The following SCARA3 variants were observed in gnomAD, a reference collection of about 807,000 sequenced individuals.
SCARA3 encodes the protein scavenger receptor class A member 3.
In SCARA3, 39 loss-of-function variants were observed where a neutral mutation model predicts 47.0. That is an observed-to-expected ratio of 0.83 (90% CI 0.64 to 1.08). SCARA3 has a LOEUF of 1.08. SCARA3 is among the 50% of genes least tolerant of loss of function. SCARA3 has a pLI of 0.00. For synonymous variants in SCARA3, 356 were observed against 334.1 expected, an observed-to-expected ratio of 1.07 and a Z score of -0.71; for missense variants, 724 against 792.3, an observed-to-expected ratio of 0.91 and a Z score of 1.04.
At chr8:27,697,145 G>A in the SCARA3 span, 2 of 188,010 alleles carry the variant, frequency 1.1e-5, no homozygotes, top group African/African-American at 2.3e-5. Flanking sequence ...GTCTGTAAAA[G>A]GCATCCTTTC....
At chr8:27,716,174 G>A in the SCARA3 span, among the ~76,000 whole-genome samples, 2 of 152,134 alleles carry the variant, frequency 1.3e-5, no homozygotes, top group Non-Finnish European at 2.9e-5. Flanking sequence ...TTAGCTGGGT[G>A]TGGTGGTGCA....
chr8:27,652,165 G>T (rs1387809104), intron 3 of SCARA3, among the ~76,000 whole-genome samples: 1 of 152,220 alleles, frequency 6.6e-6, no homozygotes, highest in Non-Finnish European at 1.5e-5. Context: ...AGCCAGACCT[G>T]CTGAGACCAA....
the SCARA3 span, among the ~76,000 whole-genome samples, chr8:27,715,813 AGATAGATAGAT>A: frequency 6.2e-5 from 9 of 144,492 alleles, no homozygotes; most frequent in Admixed American, 1.4e-4. The surrounding 1 kb of genome is among the most constrained non-coding windows in gnomAD (Gnocchi z 4.2). Flanking sequence ...AGATATAGAT[AGATAGATAGAT>A]GATAGATAGA....
the SCARA3 span, among the ~76,000 whole-genome samples, chr8:27,691,475 G>T: frequency 0.076 from 11,566 of 152,066 alleles, 571 homozygotes; most frequent in Non-Finnish European, 0.11. Context: ...CAGCCTGACT[G>T]CTTGTTTCAT....
the SCARA3 span, among the ~76,000 whole-genome samples, chr8:27,707,708 T>C: frequency 6.6e-6 from 1 of 151,422 alleles, no homozygotes; most frequent in Non-Finnish European, 1.5e-5. Context: ...TGTCACTGAA[T>C]TAAAAGAACC....
chr8:27,730,856 C>T, the SCARA3 span, among the ~76,000 whole-genome samples: 4 of 151,910 alleles, frequency 2.6e-5, no homozygotes, highest in African/African-American at 9.7e-5. Context: ...CACTTTCACC[C>T]TATTCCCGTT....
At chr8:27,698,268 A>G in the SCARA3 span, among the ~76,000 whole-genome samples, 2 of 129,560 alleles carry the variant, frequency 1.5e-5, no homozygotes, top group East Asian at 2.4e-4. Flanking sequence ...ATTAAAATGC[A>G]TGGATTTTTT....
chr8:27,668,784 A>G (rs1281374575), intron 5 of SCARA3, among the ~76,000 whole-genome samples: 1 of 152,144 alleles, frequency 6.6e-6, no homozygotes, highest in Non-Finnish European at 1.5e-5. Context: ...GGCTGCAGTG[A>G]GCTATGATTG....
the SCARA3 span, among the ~76,000 whole-genome samples, chr8:27,728,814 G>A: frequency 1.3e-5 from 2 of 152,126 alleles, no homozygotes; most frequent in African/African-American, 2.4e-5. Flanking sequence ...ACTTGAGCCC[G>A]GGAGTTCGAG....
chr8:27,716,870 C>A, the SCARA3 span, among the ~76,000 whole-genome samples: 1 of 152,270 alleles, frequency 6.6e-6, no homozygotes, highest in Non-Finnish European at 1.5e-5. Context: ...ACGAACACCG[C>A]CAGGAATGGA....
At chr8:27,730,982 C>G in the SCARA3 span, among the ~76,000 whole-genome samples, 5 of 150,914 alleles carry the variant, frequency 3.3e-5, no homozygotes, top group Non-Finnish European at 7.4e-5. Context: ...TCCTGGGGGG[C>G]CACTCCTCCA....
At chr8:27,678,380 C>T (rs1802309629), downstream of SCARA3, among the ~76,000 whole-genome samples, 1 of 152,082 alleles carries the variant, frequency 6.6e-6, no homozygotes, top group South Asian at 2.1e-4. Flanking sequence ...AGGATAGTAA[C>T]AGAATATTAT....
chr8:27,701,566 C>CCTCTCTTTCTTTCTCTTT, the SCARA3 span: 1 of 151,406 alleles, frequency 6.6e-6, no homozygotes, highest in South Asian at 2.1e-4. Context: ...TTCCTTCCTT[C>CCTCTCTTTCTTTCTCTTT]CTCTCTTTCT....
At chr8:27,649,660 C>A in intron 1 of SCARA3, 42 bp from the exon 2 acceptor site, 1 of 1,577,466 alleles carries the variant, frequency 6.3e-7, no homozygotes, top group Non-Finnish European at 8.7e-7. Context: ...GCTGGAGAGG[C>A]CTGGGATGGC....
At chr8:27,690,712 A>G in the SCARA3 span, among the ~76,000 whole-genome samples, 1 of 151,962 alleles carries the variant, frequency 6.6e-6, no homozygotes. Flanking sequence ...TTTTTTTTTT[A>G]TAAGACAGGG....
chr8:27,651,458 C>A, intron 2 of SCARA3, 50 bp from the exon 3 acceptor site: 1 of 1,595,542 alleles, frequency 6.3e-7, no homozygotes, highest in Non-Finnish European at 8.5e-7. Context: ...CCCTTCAGCT[C>A]CAACCTGGGC....
At chr8:27,667,662 G>C (rs983734786) in intron 5 of SCARA3, among the ~76,000 whole-genome samples, 1 of 152,064 alleles carries the variant, frequency 6.6e-6, no homozygotes, top group Non-Finnish European at 1.5e-5. Flanking sequence ...GCAGACACTC[G>C]ACGAAGTTGG....
At chr8:27,645,432 G>A (rs1414435436) in intron 1 of SCARA3, among the ~76,000 whole-genome samples, 1 of 152,252 alleles carries the variant, frequency 6.6e-6, no homozygotes, top group Non-Finnish European at 1.5e-5. Context: ...AGCGTGACCT[G>A]TCAACAGATA....
the SCARA3 span, among the ~76,000 whole-genome samples, chr8:27,687,509 A>C: frequency 1.3e-5 from 2 of 152,220 alleles, no homozygotes; most frequent in African/African-American, 4.8e-5. Flanking sequence ...AGACAGAGAA[A>C]GGCAGAGAGA....
Sources: gnomAD v4.1 joint callset for allele counts (sites outside exome capture counted in the v4.1 genomes callset) on GRCh38, gnomAD v4.1.1 for gene constraint, Gnocchi (gnomAD v3.1) non-coding constraint, MANE v1.5 for transcripts, NCBI Gene and HGNC (gene_info 2026-07-23, HGNC 2026-07-21) for gene names.